The following DNAH2 variants were observed in gnomAD, a reference collection of about 807,000 sequenced individuals.
The protein encoded by DNAH2 is axonemal beta dynein heavy chain 2.
Under a neutral mutation model 523.5 loss-of-function variants are expected in DNAH2, and 323 were observed. That is an observed-to-expected ratio of 0.62 (90% CI 0.56 to 0.68). The LOEUF is 0.68. Among genes scored for constraint, DNAH2 ranks in the 30% least tolerant of loss-of-function variants. The pLI, the probability that DNAH2 is intolerant of heterozygous loss-of-function variation, is 0.00. For synonymous variants in DNAH2, 2,093 were observed against 2,177.4 expected (o/e 0.96, Z 1.08); for missense variants, 4,907 against 5,701.5 (o/e 0.86, Z 4.49).
At chr17:7,719,377 G>T (rs942049042) in intron 1 of DNAH2, among the ~76,000 whole-genome samples, 4 of 151,960 alleles carry the variant, frequency 2.6e-5, no homozygotes, top group Non-Finnish European at 5.9e-5. Context: ...GATCCACCCG[G>T]CTCGGCCTCC....
intron 2 of DNAH2, among the ~76,000 whole-genome samples, chr17:7,722,413 C>T (rs1382377369): frequency 6.6e-6 from 1 of 152,152 alleles, no homozygotes; most frequent in Non-Finnish European, 1.5e-5. Context: ...AGCTGTGCAA[C>T]GTTCCCACTA....
chr17:7,819,334 CA>C lies in DNAH2; in HGVS notation c.10945del (p.Ser3649AlafsTer14). On this transcript the variant is annotated frameshift_variant, in exon 72 of 86. Transcript: ENST00000572933. LOFTEE classifies it high-confidence loss of function. ...YISLFILSID[K>X]SHRSNKLEDR... ...TCAGCCTCTTTATTCTCAGCATTGACAAAAGCCACCGCAGCAATAAGCTGGA... is the reference window on the plus strand; with the variant it reads ...TCAGCCTCTTTATTCTCAGCATTGACAAAGCCACCGCAGCAATAAGCTGGA... The C allele has an allele frequency of 6.2e-7, 1 of 1,614,242 alleles. No individual in the cohort carries two copies. The highest frequency in any genetic ancestry group is 8.5e-7 in the Non-Finnish European group (1 of 1,180,046).
Position 7,819,282 on chromosome 17 carries a change from T to C in DNAH2, c.10889T>C (p.Met3630Thr), listed in dbSNP as rs770175228. ...VLNDMGCIDP[M>T]YQFSLDAYIS... ...AATGATATGGGCTGCATCGACCCCA[T>C]GTACCAGTTCTCACTGGATGCCTAC... is the stretch of plus-strand genomic sequence containing the variant. Residue 3630 changes from methionine (M) to threonine (T), a missense_variant, in exon 72 of 86, where the codon ATG becomes ACG. Physicochemically the swap from Met to Thr is moderately conservative, Grantham distance 81 (BLOSUM62 -1). Transcript: ENST00000572933. 7 of 1,614,202 alleles carry C rather than the reference T, an allele frequency of 4.3e-6. No individual in the cohort carries two copies. Among genetic ancestry groups the C allele is most frequent in the Non-Finnish European group, 5.1e-6 (6 of 1,180,038 alleles).
chr17:7,818,517 G>A (rs2077751570), intron 69 of DNAH2, 57 bp downstream of exon 69: 2 of 1,606,254 alleles, frequency 1.2e-6, no homozygotes, highest in Non-Finnish European at 1.7e-6. Context: ...AGTTTGGAAG[G>A]ATTGAGAAAA....
At chr17:7,725,301 G>T (rs1207329449) in intron 3 of DNAH2, among the ~76,000 whole-genome samples, 2 of 150,904 alleles carry the variant, frequency 1.3e-5, no homozygotes, top group African/African-American at 4.9e-5. Flanking sequence ...TGTTGGCCAG[G>T]CTGGTCTTGA....
At chr17:7,811,141 T>C (rs915814191) in intron 63 of DNAH2, among the ~76,000 whole-genome samples, 1 of 152,202 alleles carries the variant, frequency 6.6e-6, no homozygotes, top group Non-Finnish European at 1.5e-5. Context: ...GGTTGAACAT[T>C]CAGATTTTTT....
Position 7,798,818 on chromosome 17 carries a change from A to T in DNAH2, c.8559+100A>T. ...CAGAATGTGCCACTGGCACACCCCC[A>T]CTGCCACACCCCCACTGCCCACCTC... On this transcript the variant is annotated intron_variant, in intron 55 of 85. Transcript: ENST00000572933. This position sits in a 1 kb window ranked among gnomAD's most constrained non-coding sequence, Gnocchi z 5.5. 1 of 752,450 alleles carries T rather than the reference A, an allele frequency of 1.3e-6. No individual in the cohort carries two copies. Among genetic ancestry groups the T allele is most frequent in the Non-Finnish European group, 2.0e-6 (1 of 505,584 alleles). 46.6% of individuals were successfully genotyped at this position (752,450 alleles called of 1,614,324 possible). A position where few individuals can be genotyped will look rare whatever the true frequency, so the allele number is the denominator to read the frequency against.
chr17:7,763,725 C>A, intron 18 of DNAH2, 106 bp from the exon 19 acceptor site: 1 of 1,354,432 alleles, frequency 7.4e-7, no homozygotes. Flanking sequence ...TCTAGAACTG[C>A]TGCCCAGGTT....
chr17:7,816,502 C>T lies in DNAH2; in HGVS notation c.9730-69C>T, dbSNP rs558581200. The T allele has an allele frequency of 8.9e-6, 14 of 1,571,450 alleles. No homozygotes were observed. The African/African-American group carries it at 1.9e-4, about 21-fold the overall frequency. On this transcript the variant is annotated intron_variant, in intron 63 of 85. Transcript: ENST00000572933. ...AATGGCAGCTACAAAATGGCAGAGT[C>T]ATGATGTGAACAAGAACAATCTGGC... is the stretch of plus-strand genomic sequence containing the variant.
Position 7,793,039 on chromosome 17 carries a change from G to T in DNAH2, c.7403G>T (p.Gly2468Val), listed in dbSNP as rs1347321905. Residue 2468 changes from glycine to valine, a missense_variant, in exon 48 of 86, where the codon GGT (glycine) becomes GTT (valine). This residue lies in a region of DNAH2 where 2,806 missense variants were observed against 3,190.8 expected (regional missense o/e 0.88). Coordinates refer to ENST00000572933, the MANE Select transcript of DNAH2 (RefSeq NM_020877.5). Reference protein sequence around the residue: ...IESRVEKRTKGVYVPFGGKSM... With the variant: ...IESRVEKRTKVVYVPFGGKSM... The stretch of plus-strand genomic sequence containing the variant: ...AGCAGGGTTGAGAAGCGAACCAAGG[G>T]TGTCTACGTGCCATTCGGGGGCAAA... 1.3e-5 allele frequency: 21 copies of T among 1,614,052 alleles called. No homozygotes were observed. The Middle Eastern group carries it at 2.1e-3, about 164-fold the overall frequency.
At chr17:7,820,168 A>G (rs2077814667) in intron 72 of DNAH2, among the ~76,000 whole-genome samples, 1 of 152,050 alleles carries the variant, frequency 6.6e-6, no homozygotes, top group Admixed American at 6.6e-5. Context: ...TTTGTTCATG[A>G]ATATTTCTGC....
At chr17:7,739,081 A>G in intron 8 of DNAH2, 1 of 689,452 alleles carries the variant, frequency 1.5e-6, no homozygotes, top group East Asian at 2.7e-5. Flanking sequence ...CTCCCACCCC[A>G]GGAACCAGGG....
intron 59 of DNAH2, 113 bp from the exon 60 acceptor site, chr17:7,804,845 C>CAA (rs367854692): frequency 8.1e-4 from 643 of 792,468 alleles, no homozygotes; most frequent in Non-Finnish European, 9.8e-4. Context: ...GACTCCATCT[C>CAA]AAAAAAAAAA....
intron 49 of DNAH2, among the ~76,000 whole-genome samples, chr17:7,795,310 C>T (rs978195978): frequency 6.6e-6 from 1 of 151,696 alleles, no homozygotes; most frequent in East Asian, 1.9e-4. Context: ...ATCAGTAATC[C>T]CCATCTGGTC....
chr17:7,742,846 G>C, intron 11 of DNAH2, 82 bp from the exon 12 acceptor site: 1 of 1,005,800 alleles, frequency 9.9e-7, no homozygotes, highest in African/African-American at 1.7e-5. Flanking sequence ...GCGCATGCGC[G>C]CATGTGTAGG....
chr17:7,810,973 G>A (rs149761137), intron 63 of DNAH2, among the ~76,000 whole-genome samples: 1 of 152,354 alleles, frequency 6.6e-6, no homozygotes, highest in East Asian at 1.9e-4. Flanking sequence ...TTACAAACCA[G>A]TGGCGTAGAT....
At position 7,758,910 on chromosome 17, in the gene DNAH2, AG is replaced by A. The variant is rs1195175036; in HGVS notation, c.2236del (p.Ala746HisfsTer4). ...SKVQMIVNEF[K>X]ASTLTIGWRA... is the part of the protein sequence containing the mutation. ...GTGCAGATGATTGTGAATGAGTTCA[AG>A]GCATCCACTCTGACCATTGGCTGGC... On this transcript the variant is annotated frameshift_variant, in exon 15 of 86. Transcript: ENST00000572933. LOFTEE classifies it high-confidence loss of function. The A allele has an allele frequency of 4.3e-6, 7 of 1,614,038 alleles. No individual in the cohort carries two copies. The highest frequency in any genetic ancestry group is 5.9e-6 in the Non-Finnish European group (7 of 1,180,038).
intron 11 of DNAH2, among the ~76,000 whole-genome samples, chr17:7,741,847 G>A (rs1047149360): frequency 3.3e-5 from 5 of 150,126 alleles, no homozygotes; most frequent in African/African-American, 1.2e-4. Flanking sequence ...ATTTTTAGTA[G>A]AGAAGAGGTT....
intron 32 of DNAH2, 22 bp downstream of exon 32, chr17:7,776,911 C>T: frequency 1.3e-6 from 2 of 1,585,114 alleles, no homozygotes; most frequent in Non-Finnish European, 1.7e-6. Flanking sequence ...GGCGCACTGG[C>T]TCATGCTTGT....
Sources: allele counts gnomAD v4.1 joint callset (sites outside exome capture counted in the v4.1 genomes callset), GRCh38; gene constraint gnomAD v4.1.1; regional missense constraint gnomAD v4.1.1; non-coding constraint Gnocchi (gnomAD v3.1); transcripts MANE v1.5; gene names NCBI Gene and HGNC (gene_info 2026-07-23, HGNC 2026-07-21).